Variants in PDE4B observed in about 807,000 individuals in gnomAD.
The protein encoded by PDE4B is phosphodiesterase 4B.
Under a neutral mutation model 82.2 loss-of-function variants are expected in PDE4B, and 20 were observed. That is an observed-to-expected ratio of 0.24 (90% CI 0.17 to 0.35). The LOEUF is 0.35. PDE4B is among the 10% of genes least tolerant of loss of function. The probability of loss-of-function intolerance (pLI) is 1.00; values close to 1 mark genes in which losing one functional copy is unlikely to be tolerated. For missense variants in PDE4B, 655 were observed against 907.2 expected (o/e 0.72, Z 3.57); for synonymous variants, 320 against 318.9 (o/e 1.00, Z -0.04).
intron 3 of PDE4B, among the ~76,000 whole-genome samples, chr1:65,978,386 T>C (rs933820464): frequency 2.0e-5 from 3 of 151,844 alleles, no homozygotes; most frequent in African/African-American, 4.8e-5. Flanking sequence ...CCCTGAAGAA[T>C]ACTTGGTCCG....
At chr1:66,232,502 T>A (rs1321420428) in intron 3 of PDE4B, among the ~76,000 whole-genome samples, 1 of 152,212 alleles carries the variant, frequency 6.6e-6, no homozygotes, top group Admixed American at 6.5e-5. Flanking sequence ...TAGATAGTAT[T>A]CTATATCATG....
intron 3 of PDE4B, among the ~76,000 whole-genome samples, chr1:66,002,164 A>T (rs1322746445): frequency 1.3e-5 from 2 of 152,070 alleles, no homozygotes; most frequent in Middle Eastern, 3.4e-3. Flanking sequence ...AGTTTTTTTT[A>T]AATTTTCGTC....
chr1:66,248,405 C>T lies in PDE4B; in HGVS notation c.476+751C>T, dbSNP rs527265451. On this transcript the variant is annotated intron_variant, in intron 4 of 16. Coordinates refer to ENST00000341517, the MANE Select transcript of PDE4B (RefSeq NM_002600.4). ...ATGTCATAAAAGTATCAGTAGCTCC[C>T]TAAGGTCTCCAGTTTGGAAAATTCC... Among the ~76,000 whole-genome samples the T allele has an allele frequency of 2.8e-4, 42 of 152,314 alleles. 1 individual carries two copies. In the South Asian group the frequency reaches 8.3e-3, roughly 30 times the overall value.
At chr1:65,923,975 C>G (rs1647352128) in intron 3 of PDE4B, among the ~76,000 whole-genome samples, 2 of 150,214 alleles carry the variant, frequency 1.3e-5, no homozygotes, top group African/African-American at 4.9e-5. Flanking sequence ...TTATAAACTT[C>G]TTTGTCTTCC....
At chr1:66,257,771 G>T in intron 5 of PDE4B, 22 bp from the exon 6 acceptor site, 2 of 1,611,162 alleles carry the variant, frequency 1.2e-6, no homozygotes, top group Non-Finnish European at 1.7e-6. Context: ...GTCCTTAACC[G>T]TTTAAAACAT....
intron 3 of PDE4B, among the ~76,000 whole-genome samples, chr1:66,217,821 T>C (rs1210972352): frequency 6.6e-6 from 1 of 152,138 alleles, no homozygotes; most frequent in Non-Finnish European, 1.5e-5. Context: ...CAATATATTA[T>C]GCTTTAAGTT....
At chr1:66,299,400 A>G (rs1657730041) in intron 7 of PDE4B, among the ~76,000 whole-genome samples, 1 of 152,174 alleles carries the variant, frequency 6.6e-6, no homozygotes. Flanking sequence ...ACAGAATTTC[A>G]TTCCTTTTCA....
intron 3 of PDE4B, among the ~76,000 whole-genome samples, chr1:66,059,787 A>G: frequency 6.6e-6 from 1 of 152,198 alleles, no homozygotes; most frequent in Non-Finnish European, 1.5e-5. Context: ...AAATCATATC[A>G]CATATATATT....
At chr1:65,914,593 C>CT (rs1388346877) in intron 2 of PDE4B, among the ~76,000 whole-genome samples, 2 of 139,548 alleles carry the variant, frequency 1.4e-5, no homozygotes, top group South Asian at 4.6e-4. Context: ...ATTTAGAAAA[C>CT]TTTTTTTCTT....
intron 7 of PDE4B, among the ~76,000 whole-genome samples, chr1:66,328,573 A>G (rs1191602226): frequency 6.6e-6 from 1 of 152,188 alleles, no homozygotes; most frequent in South Asian, 2.1e-4. Flanking sequence ...TGATGGGACA[A>G]TGGAGTATGT....
At chr1:66,159,731 G>T (rs1269486942) in intron 3 of PDE4B, among the ~76,000 whole-genome samples, 1 of 151,854 alleles carries the variant, frequency 6.6e-6, no homozygotes, top group Non-Finnish European at 1.5e-5. Context: ...TAACGTAAAA[G>T]CTCTAATATT....
chr1:66,320,260 T>C (rs1023790528), intron 7 of PDE4B, among the ~76,000 whole-genome samples: 1 of 152,084 alleles, frequency 6.6e-6, no homozygotes, highest in Non-Finnish European at 1.5e-5. Context: ...AAAACCCACG[T>C]GGGATTCTAG....
At chr1:66,274,345 A>G (rs1476760917) in intron 7 of PDE4B, among the ~76,000 whole-genome samples, 4 of 149,198 alleles carry the variant, frequency 2.7e-5, no homozygotes, top group African/African-American at 5.0e-5. Flanking sequence ...TTTTTTTTAT[A>G]TATTTTTAGT....
chr1:66,064,214 A>G (rs1338508444), intron 3 of PDE4B, among the ~76,000 whole-genome samples: 3 of 151,982 alleles, frequency 2.0e-5, no homozygotes, highest in East Asian at 1.9e-4. Flanking sequence ...AGTGTTGTCA[A>G]TGAAGGAATT....
At chr1:66,159,477 A>T (rs1336979963) in intron 3 of PDE4B, among the ~76,000 whole-genome samples, 1 of 151,054 alleles carries the variant, frequency 6.6e-6, no homozygotes, top group African/African-American at 2.4e-5. Flanking sequence ...CAAACTCCTG[A>T]CCTCTCACCT....
At chr1:65,997,102 A>G (rs980674815) in intron 3 of PDE4B, among the ~76,000 whole-genome samples, 5 of 151,732 alleles carry the variant, frequency 3.3e-5, no homozygotes, top group African/African-American at 1.2e-4. Flanking sequence ...GAAGAAAGCT[A>G]CTGCAATGGT....
At chr1:65,891,189 T>C (rs1571077648) in intron 1 of PDE4B, among the ~76,000 whole-genome samples, 1 of 152,264 alleles carries the variant, frequency 6.6e-6, no homozygotes, top group East Asian at 1.9e-4. Context: ...TACAGGACCC[T>C]TGAGACCAGA....
intron 3 of PDE4B, among the ~76,000 whole-genome samples, chr1:66,114,866 C>T (rs939668096): frequency 5.3e-5 from 8 of 152,054 alleles, no homozygotes; most frequent in Non-Finnish European, 1.0e-4. Context: ...GAACTCCTGA[C>T]CTCAAGTGAT....
At chr1:65,833,431 A>G (rs748294189) in intron 1 of PDE4B, among the ~76,000 whole-genome samples, 11 of 152,220 alleles carry the variant, frequency 7.2e-5, no homozygotes, top group Non-Finnish European at 1.2e-4. Context: ...CACAGTTGAA[A>G]AACCATAGCT....
Sources: allele counts gnomAD v4.1 joint callset (sites outside exome capture counted in the v4.1 genomes callset), GRCh38; gene constraint gnomAD v4.1.1; transcripts MANE v1.5; gene names NCBI Gene and HGNC (gene_info 2026-07-23, HGNC 2026-07-21).